MACROD2: variants seen among roughly 807,000 people sequenced by gnomAD.
The protein encoded by MACROD2 is ADP-ribose glycohydrolase MACROD2.
A neutral mutation model predicts 70.4 loss-of-function variants in MACROD2; 36 were observed. The observed-to-expected ratio is 0.51, with a 90% CI of 0.39 to 0.68. MACROD2 has a LOEUF of 0.68. Among genes scored for constraint, MACROD2 ranks in the 30% least tolerant of loss-of-function variants. The pLI, the probability that MACROD2 is intolerant of heterozygous loss-of-function variation, is 0.00. For synonymous variants in MACROD2, 172 were observed against 178.8 expected (o/e 0.96, Z 0.30); for missense variants, 496 against 538.4 (o/e 0.92, Z 0.78).
chr20:14,273,220 C>G (rs2082214247), intron 3 of MACROD2, among the ~76,000 whole-genome samples: 1 of 152,144 alleles, frequency 6.6e-6, no homozygotes, highest in South Asian at 2.1e-4. Context: ...CACATGTATT[C>G]CAAAATTGAC....
chr20:15,189,735 G>A (rs1021926675), intron 5 of MACROD2, among the ~76,000 whole-genome samples: 1 of 152,004 alleles, frequency 6.6e-6, no homozygotes, highest in Non-Finnish European at 1.5e-5. Flanking sequence ...TATATCTTGA[G>A]GAGAAAATAC....
At position 14,831,949 on chromosome 20, in the gene MACROD2, T is replaced by A. The variant is rs554826885; in HGVS notation, c.418+146990T>A. ...GGGGATGCATTCTGACTATATTGGG[T>A]CCCCTTGAGACCAGTGTTGCAACCA... On this transcript the variant is annotated intron_variant, in intron 5 of 17. Coordinates refer to ENST00000684519, the MANE Select transcript of MACROD2 (RefSeq NM_001351661.2). Among the ~76,000 whole-genome samples, 198 of 141,678 alleles carry A rather than the reference T, an allele frequency of 1.4e-3. 4 individuals are homozygous for A. Among genetic ancestry groups the A allele is most frequent in the Non-Finnish European group, 1.8e-3 (114 of 63,742 alleles). The allele number at this position is 141,678 out of a possible 152,430, so 92.9% of individuals were successfully genotyped here. A position where few individuals can be genotyped will look rare whatever the true frequency, so the allele number is the denominator to read the frequency against.
chr20:14,968,442 T>G (rs1400607900), intron 5 of MACROD2, among the ~76,000 whole-genome samples: 1 of 152,082 alleles, frequency 6.6e-6, no homozygotes, highest in African/African-American at 2.4e-5. Flanking sequence ...TGTAAAAGCA[T>G]AAGAATATTC....
intron 3 of MACROD2, among the ~76,000 whole-genome samples, chr20:14,444,815 T>C (rs1295139140): frequency 6.6e-6 from 1 of 151,986 alleles, no homozygotes; most frequent in African/African-American, 2.4e-5. Flanking sequence ...CCTTGTCAGT[T>C]CTACCATCTC....
At chr20:14,149,308 A>G (rs2054984687) in intron 3 of MACROD2, among the ~76,000 whole-genome samples, 1 of 151,826 alleles carries the variant, frequency 6.6e-6, no homozygotes, top group African/African-American at 2.4e-5. Flanking sequence ...AGCTATATCC[A>G]TGTTGCTTCA....
intron 8 of MACROD2, among the ~76,000 whole-genome samples, chr20:15,854,268 C>T (rs1214736696): frequency 3.3e-5 from 5 of 152,140 alleles, no homozygotes; most frequent in Admixed American, 1.3e-4. Flanking sequence ...GATAGAGGCA[C>T]ACTCTTGCTG....
At chr20:15,850,142 T>G (rs1204722061) in intron 8 of MACROD2, among the ~76,000 whole-genome samples, 1 of 152,060 alleles carries the variant, frequency 6.6e-6, no homozygotes, top group African/African-American at 2.4e-5. Flanking sequence ...AGACAAGAAT[T>G]AGAGTGCAGG....
At position 14,710,161 on chromosome 20, in the gene MACROD2, TGA is replaced by T. The variant is rs1306547535; in HGVS notation, c.418+25208_418+25209del. Among the ~76,000 whole-genome samples, 3 of 152,072 alleles carry T rather than the reference TGA, an allele frequency of 2.0e-5. No homozygotes were observed. The East Asian group carries it at 5.8e-4, about 29-fold the overall frequency. ...AAACTACCTTGAATACCCCTGAGAA[TGA>T]GAGAGTAAGCAAGGAGACCTCGAGT... On this transcript the variant is annotated intron_variant, in intron 5 of 17. Coordinates refer to ENST00000684519, the MANE Select transcript of MACROD2 (RefSeq NM_001351661.2).
At chr20:15,291,629 A>T (rs2077541394) in intron 6 of MACROD2, among the ~76,000 whole-genome samples, 1 of 152,192 alleles carries the variant, frequency 6.6e-6, no homozygotes, top group African/African-American at 2.4e-5. Flanking sequence ...ATTTTTAACA[A>T]ATGGTTAGAC....
At chr20:14,282,458 T>G (rs1482478801) in intron 3 of MACROD2, among the ~76,000 whole-genome samples, 1 of 152,202 alleles carries the variant, frequency 6.6e-6, no homozygotes, top group Non-Finnish European at 1.5e-5. Flanking sequence ...GACCTCTCCA[T>G]GTGACCTGGG....
chr20:14,849,547 G>A (rs1317535965), intron 5 of MACROD2, among the ~76,000 whole-genome samples: 2 of 152,026 alleles, frequency 1.3e-5, no homozygotes, highest in Admixed American at 6.6e-5. Flanking sequence ...TTGGGAGGCC[G>A]AGACAGGTGA....
In MACROD2 at chr20:15,937,832, T is replaced by C. The variant is rs2065689337; in HGVS notation, c.907+288T>C. On this transcript the variant is annotated intron_variant, in intron 12 of 17. Transcript: ENST00000684519. ...GAAATGAGAGAATGATCAGAGAAATTATGTTTAGAGATGTTTATTTAAAAC... is the reference window on the plus strand; with the variant it reads ...GAAATGAGAGAATGATCAGAGAAATCATGTTTAGAGATGTTTATTTAAAAC... 2.6e-5 allele frequency among the ~76,000 whole-genome samples: 4 copies of C among 151,868 alleles called. No individual in the cohort carries two copies. In the South Asian group the frequency reaches 8.3e-4, roughly 32 times the overall value.
intron 5 of MACROD2, among the ~76,000 whole-genome samples, chr20:15,036,821 G>A (rs115414103): frequency 3.8e-4 from 58 of 151,930 alleles, no homozygotes; most frequent in African/African-American, 1.4e-3. Flanking sequence ...ACAAAAGTTT[G>A]CACATCAAAA....
chr20:15,020,113 G>T (rs538547191), intron 5 of MACROD2, among the ~76,000 whole-genome samples: 2 of 152,218 alleles, frequency 1.3e-5, no homozygotes, highest in African/African-American at 4.8e-5. Context: ...TGGGAGGCTG[G>T]ATTTGACCTG....
chr20:14,015,051 C>T (rs780535101), intron 2 of MACROD2, among the ~76,000 whole-genome samples: 2 of 151,120 alleles, frequency 1.3e-5, no homozygotes, highest in African/African-American at 2.4e-5. Flanking sequence ...AGCAATTGGC[C>T]ATTCAAAGTG....
intron 5 of MACROD2, among the ~76,000 whole-genome samples, chr20:15,124,422 T>G (rs1038599900): frequency 1.3e-5 from 2 of 151,442 alleles, no homozygotes; most frequent in African/African-American, 4.8e-5. Flanking sequence ...AGTCATTTGG[T>G]CATCTGTTTA....
intron 5 of MACROD2, among the ~76,000 whole-genome samples, chr20:14,804,556 A>G (rs966638220): frequency 6.6e-6 from 1 of 152,012 alleles, no homozygotes; most frequent in Non-Finnish European, 1.5e-5. Context: ...CCAAAGAAAA[A>G]GATCAGCCTC....
intron 5 of MACROD2, among the ~76,000 whole-genome samples, chr20:15,019,841 G>C (rs983895856): frequency 2.6e-5 from 4 of 152,012 alleles, no homozygotes. Flanking sequence ...ATATTGTGTA[G>C]GTACTGATAT....
chr20:14,730,686 A>C (rs1230251191), intron 5 of MACROD2, among the ~76,000 whole-genome samples: 1 of 152,206 alleles, frequency 6.6e-6, no homozygotes, highest in Non-Finnish European at 1.5e-5. Flanking sequence ...AATAGCGAGA[A>C]AAGAAATTCA....
Sources: gnomAD v4.1 joint callset for allele counts (sites outside exome capture counted in the v4.1 genomes callset) on GRCh38, gnomAD v4.1.1 for gene constraint, MANE v1.5 for transcripts, NCBI Gene and HGNC (gene_info 2026-07-23, HGNC 2026-07-21) for gene names.